The following MGST2 variants were observed in gnomAD, a reference collection of about 807,000 sequenced individuals.
The protein encoded by MGST2 is glutathione peroxidase MGST2.
Under a neutral mutation model 16.6 loss-of-function variants are expected in MGST2, and 9 were observed. That is an observed-to-expected ratio of 0.54 (90% confidence interval 0.33 to 0.95). MGST2 has a LOEUF of 0.95. MGST2 is among the 40% of genes least tolerant of loss of function. The pLI, the probability that MGST2 is intolerant of heterozygous loss-of-function variation, is 0.03. For missense variants in MGST2, 159 were observed against 175.1 expected, an observed-to-expected ratio of 0.91 and a Z score of 0.52; for synonymous variants, 79 against 68.0, an observed-to-expected ratio of 1.16 and a Z score of -0.79.
intron 2 of MGST2, among the ~76,000 whole-genome samples, chr4:139,682,428 C>T (rs916242267): frequency 5.9e-5 from 9 of 151,950 alleles, no homozygotes; most frequent in African/African-American, 2.2e-4. Flanking sequence ...CAGAGAAAAG[C>T]CCTTAGCTGA....
rs1730314771 is a variant in MGST2, at chr4:139,666,014, A to G, written c.-6A>G. The G allele has an allele frequency of 6.2e-7, 1 of 1,614,056 alleles. No homozygotes were observed. Among genetic ancestry groups the G allele is most frequent in the African/African-American group, 1.3e-5 (1 of 75,026 alleles). On this transcript the variant is annotated 5_prime_UTR_variant, in exon 1 of 5. Coordinates refer to ENST00000265498, the MANE Select transcript of MGST2 (RefSeq NM_002413.5). ...CGTGCGCTCTACAAATAGTTCCGTG[A>G]GAAAGATGGCCGGGAACTCGATCCT...
At chr4:139,703,753 C>T (rs1169082096) in intron 4 of MGST2, among the ~76,000 whole-genome samples, 11 of 152,194 alleles carry the variant, frequency 7.2e-5, no homozygotes, top group Non-Finnish European at 1.6e-4. Context: ...ACTCTAGTTC[C>T]TTGCAAAAAT....
chr4:139,686,212 T>C (rs1731556478), intron 2 of MGST2, among the ~76,000 whole-genome samples: 1 of 152,216 alleles, frequency 6.6e-6, no homozygotes, highest in South Asian at 2.1e-4. Context: ...AAATTTTTCC[T>C]GGTTGACAAC....
intron 5 of MGST2, chr4:139,720,045 C>T (rs770092063): frequency 6.2e-7 from 1 of 1,614,076 alleles, no homozygotes; most frequent in Non-Finnish European, 8.5e-7. Context: ...TGCCTCGGTC[C>T]CTGGGCTTGG....
chr4:139,696,593 A>G (rs1052046778), intron 3 of MGST2, among the ~76,000 whole-genome samples: 1 of 152,170 alleles, frequency 6.6e-6, no homozygotes, highest in Non-Finnish European at 1.5e-5. Context: ...CAAGATTCAT[A>G]TCTTGAGACC....
At position 139,704,028 on chromosome 4, in the gene MGST2, C is replaced by T; in HGVS notation, c.324C>T (p.Phe108=). 1 of 1,614,154 alleles carries T rather than the reference C, an allele frequency of 6.2e-7. No homozygotes were observed. The highest frequency in any genetic ancestry group is 8.5e-7 in the Non-Finnish European group (1 of 1,180,036). The change falls in exon 5 of 5, where the codon TTC becomes TTT. Residue 108 remains phenylalanine (F), a synonymous_variant. Coordinates refer to ENST00000265498, the MANE Select transcript of MGST2 (RefSeq NM_002413.5). ...GTCCACTCTGCAGGATCACCGGTTT[C>T]CGACTGAGTCTGGGGATTTTGGCCT... is the stretch of plus-strand genomic sequence containing the variant. The part of the protein sequence containing the change: ...SEAAKKRITG[F]RLSLGILALL...
chr4:139,734,638 T>G (rs956043238), intron 5 of MGST2, among the ~76,000 whole-genome samples: 2 of 152,252 alleles, frequency 1.3e-5, no homozygotes, highest in African/African-American at 4.8e-5. Flanking sequence ...AAAAGCACCC[T>G]TACCTCCCCC....
chr4:139,751,876 G>A, the MGST2 span, among the ~76,000 whole-genome samples: 1 of 152,192 alleles, frequency 6.6e-6, no homozygotes, highest in Non-Finnish European at 1.5e-5. Context: ...TGCATGTAAG[G>A]TTACAGTATA....
chr4:139,736,778 AAGCTCTCC>A (rs1213056482), intron 5 of MGST2, among the ~76,000 whole-genome samples: 4 of 152,170 alleles, frequency 2.6e-5, no homozygotes, highest in Admixed American at 1.3e-4. Context: ...GTGTTTTAAC[AAGCTCTCC>A]AGGTGGTTAC....
intron 2 of MGST2, among the ~76,000 whole-genome samples, chr4:139,682,721 C>T (rs1191097950): frequency 6.6e-6 from 1 of 152,086 alleles, no homozygotes; most frequent in South Asian, 2.1e-4. Flanking sequence ...ATTTAGAATT[C>T]CAGGCAAGAG....
intron 3 of MGST2, among the ~76,000 whole-genome samples, chr4:139,703,000 A>C (rs755933079): frequency 1.3e-5 from 2 of 151,754 alleles, no homozygotes; most frequent in Non-Finnish European, 2.9e-5. Flanking sequence ...ATCTTGGCTC[A>C]CTGCAACCTC....
intron 5 of MGST2, among the ~76,000 whole-genome samples, chr4:139,713,973 AAT>A (rs1727838646): frequency 6.6e-6 from 1 of 152,238 alleles, no homozygotes; most frequent in African/African-American, 2.4e-5. Context: ...TTAACTATTT[AAT>A]ATGATTTTTA....
At chr4:139,712,175 T>C (rs1272372386) in intron 5 of MGST2, among the ~76,000 whole-genome samples, 1 of 152,240 alleles carries the variant, frequency 6.6e-6, no homozygotes, top group East Asian at 1.9e-4. Context: ...TGTGCAACTG[T>C]TGAAACCAAG....
At chr4:139,747,640 G>A in the MGST2 span, among the ~76,000 whole-genome samples, 2 of 151,914 alleles carry the variant, frequency 1.3e-5, no homozygotes, top group South Asian at 4.1e-4. Flanking sequence ...GTTACAGTGA[G>A]CCGAGATAGT....
At chr4:139,739,720 T>TA (rs59259375) in intron 5 of MGST2, among the ~76,000 whole-genome samples, 71,784 of 133,768 alleles carry the variant, frequency 0.54, 20,678 homozygotes, top group Middle Eastern at 0.72. Flanking sequence ...GTGTTAAAAC[T>TA]AAAAAAAAAA....
chr4:139,714,401 A>G (rs1036723808), intron 5 of MGST2, among the ~76,000 whole-genome samples: 3 of 152,026 alleles, frequency 2.0e-5, no homozygotes, highest in Non-Finnish European at 4.4e-5. Context: ...AGAAATTCCT[A>G]CCCTTTTGCC....
chr4:139,694,911 T>C (rs1726828948), intron 2 of MGST2, among the ~76,000 whole-genome samples: 1 of 152,232 alleles, frequency 6.6e-6, no homozygotes, highest in African/African-American at 2.4e-5. Context: ...TTAGATAAGA[T>C]ATGGAGTGAT....
At chr4:139,749,609 G>T in the MGST2 span, among the ~76,000 whole-genome samples, 1 of 152,228 alleles carries the variant, frequency 6.6e-6, no homozygotes, top group Non-Finnish European at 1.5e-5. Context: ...CAGAACACGT[G>T]AAAGGACTTG....
At chr4:139,739,468 T>A (rs1020296619) in intron 5 of MGST2, among the ~76,000 whole-genome samples, 10 of 152,210 alleles carry the variant, frequency 6.6e-5, no homozygotes, top group African/African-American at 2.4e-4. Flanking sequence ...GTCCTTTTGA[T>A]CCCTTTCTTG....
Sources: gnomAD v4.1 joint callset for allele counts (sites outside exome capture counted in the v4.1 genomes callset) on GRCh38, gnomAD v4.1.1 for gene constraint, MANE v1.5 for transcripts, NCBI Gene and HGNC (gene_info 2026-07-23, HGNC 2026-07-21) for gene names.